Variants in HS2ST1 observed in about 807,000 individuals in gnomAD.
The protein encoded by HS2ST1 is 2-O-sulfotransferase.
In HS2ST1, 18 loss-of-function variants were observed where a neutral mutation model predicts 42.9. That is an observed-to-expected ratio of 0.42 (90% CI 0.29 to 0.62). HS2ST1 has a LOEUF of 0.62. Among genes scored for constraint, HS2ST1 ranks in the 20% least tolerant of loss-of-function variants. The pLI is 0.21. For synonymous variants in HS2ST1, 146 were observed against 152.9 expected (o/e 0.95, Z 0.33); for missense variants, 334 against 433.8 (o/e 0.77, Z 2.04).
intron 1 of HS2ST1, among the ~76,000 whole-genome samples, chr1:87,026,655 T>C (rs1011642944): frequency 5.9e-5 from 9 of 152,194 alleles, no homozygotes; most frequent in Non-Finnish European, 1.0e-4. Flanking sequence ...GTTTAAATTC[T>C]ATGCCCTAAG....
At chr1:87,031,204 G>T (rs968896190) in intron 1 of HS2ST1, among the ~76,000 whole-genome samples, 1 of 152,094 alleles carries the variant, frequency 6.6e-6, no homozygotes, top group East Asian at 1.9e-4. Context: ...GCCTCCCAAA[G>T]TGCTGGGATT....
chr1:87,096,651 C>T (rs1211911134), intron 4 of HS2ST1, among the ~76,000 whole-genome samples: 1 of 152,172 alleles, frequency 6.6e-6, no homozygotes, highest in Non-Finnish European at 1.5e-5. Flanking sequence ...TGTTTACCAG[C>T]ATCTCTTACT....
chr1:87,093,992 T>G (rs1397256444), intron 4 of HS2ST1, among the ~76,000 whole-genome samples: 5 of 152,098 alleles, frequency 3.3e-5, no homozygotes, highest in Non-Finnish European at 7.4e-5. Flanking sequence ...CAGCATTATT[T>G]AATCTTCTAG....
At chr1:87,089,194 A>C (rs992336545) in intron 3 of HS2ST1, among the ~76,000 whole-genome samples, 1 of 152,012 alleles carries the variant, frequency 6.6e-6, no homozygotes, top group Admixed American at 6.6e-5. Flanking sequence ...TTGATAGGCT[A>C]TTGATAGAAT....
intron 1 of HS2ST1, among the ~76,000 whole-genome samples, chr1:87,056,675 G>A (rs1212675177): frequency 6.6e-6 from 1 of 152,136 alleles, no homozygotes; most frequent in Non-Finnish European, 1.5e-5. Context: ...TCTGAGATTG[G>A]TGGTGTTATA....
chr1:87,081,872 G>T (rs1041276569), intron 2 of HS2ST1, among the ~76,000 whole-genome samples: 54 of 151,382 alleles, frequency 3.6e-4, no homozygotes, highest in African/African-American at 1.3e-3. Context: ...TACTCAGGAG[G>T]CTGAGGCAGG....
rs746757317 is a variant in HS2ST1, at chr1:87,104,618, C to T, written c.993C>T (p.Ala331=). Reference sequence around the variant, plus strand: ...AGTTCCAATTCATCAGAGCCCATGCCGTTCGAGAAAAAGATGGAGACCTCT... The same window carrying T: ...AGTTCCAATTCATCAGAGCCCATGCTGTTCGAGAAAAAGATGGAGACCTCT... ...LEQFQFIRAH[A]VREKDGDLYI... is the part of the protein sequence containing the mutation. The change falls in exon 7 of 7, where the codon GCC becomes GCT. Residue 331 remains alanine, a synonymous_variant. Coordinates refer to ENST00000370550, the MANE Select transcript of HS2ST1 (RefSeq NM_012262.4). 40 of 1,613,444 alleles carry T rather than the reference C, an allele frequency of 2.5e-5. No homozygotes were observed. The highest frequency in any genetic ancestry group is 8.8e-5 in the South Asian group (8 of 91,062).
At chr1:87,022,560 A>G (rs1448266397) in intron 1 of HS2ST1, among the ~76,000 whole-genome samples, 1 of 152,176 alleles carries the variant, frequency 6.6e-6, no homozygotes, top group Admixed American at 6.5e-5. Context: ...TGAATGGCTA[A>G]ATAAAATAAA....
At chr1:87,024,398 G>T (rs1650031553) in intron 1 of HS2ST1, among the ~76,000 whole-genome samples, 1 of 151,984 alleles carries the variant, frequency 6.6e-6, no homozygotes, top group Non-Finnish European at 1.5e-5. Context: ...CTAATCAGGA[G>T]GCTGAGGCAG....
chr1:87,107,957 A>G lies in HS2ST1; in HGVS notation c.*3261A>G, dbSNP rs1652364261. 1.3e-5 allele frequency: 2 copies of G among 152,006 alleles called. No homozygotes were observed. Among genetic ancestry groups the G allele is most frequent in the African/African-American group, 4.8e-5 (2 of 41,410 alleles). 9.4% of individuals were successfully genotyped at this position (152,006 alleles called of 1,614,324 possible). A position where few individuals can be genotyped will look rare whatever the true frequency, so the allele number is the denominator to read the frequency against. On this transcript the variant is annotated 3_prime_UTR_variant, in exon 7 of 7. Transcript: ENST00000370550. Reference sequence around the variant, plus strand: ...GATGATTGGATTTAAGCTATTGAAAATTGGATAATTTAAACTTAATGATTT... The same window carrying G: ...GATGATTGGATTTAAGCTATTGAAAGTTGGATAATTTAAACTTAATGATTT...
intron 1 of HS2ST1, among the ~76,000 whole-genome samples, chr1:86,987,892 T>C (rs868049256): frequency 6.6e-6 from 1 of 152,192 alleles, no homozygotes; most frequent in African/African-American, 2.4e-5. Context: ...TTGTAAGAAA[T>C]TGGGGCTGTT....
chr1:87,092,989 C>G (rs531023568), intron 4 of HS2ST1, among the ~76,000 whole-genome samples: 37 of 151,914 alleles, frequency 2.4e-4, no homozygotes, highest in African/African-American at 8.9e-4. Context: ...TTTTGGTTCT[C>G]TAAGTATTGA....
At chr1:87,081,558 T>C (rs1651688910) in intron 2 of HS2ST1, among the ~76,000 whole-genome samples, 2 of 152,158 alleles carry the variant, frequency 1.3e-5, no homozygotes, top group African/African-American at 4.8e-5. Context: ...GGAAAGTTTA[T>C]TGCAATCAGT....
chr1:86,998,181 G>C (rs1229367276), intron 1 of HS2ST1, among the ~76,000 whole-genome samples: 1 of 152,028 alleles, frequency 6.6e-6, no homozygotes, highest in Non-Finnish European at 1.5e-5. Context: ...ATATATCTTT[G>C]TTCTTATATA....
chr1:86,978,861 C>CTTTTTTTTTTTTTTTTTTTTTTTTTTTTT, intron 1 of HS2ST1, among the ~76,000 whole-genome samples: 1 of 98,672 alleles, frequency 1.0e-5, no homozygotes, highest in Non-Finnish European at 1.9e-5. Context: ...ACTTGTGAAT[C>CTTTTTTTTTTTTTTTTTTTTTTTTTTTTT]TTTTTTTTTT....
chr1:86,939,837 A>G (rs79141873), intron 1 of HS2ST1, among the ~76,000 whole-genome samples: 3,600 of 152,332 alleles, frequency 0.024, 74 homozygotes, highest in African/African-American at 0.049. Flanking sequence ...AATACTACAC[A>G]TATTTTGAGA....
chr1:87,094,245 G>A (rs577036244), intron 4 of HS2ST1, among the ~76,000 whole-genome samples: 114 of 152,030 alleles, frequency 7.5e-4, no homozygotes, highest in Admixed American at 1.9e-3. Flanking sequence ...AGTCATGTAG[G>A]CCCCTATATC....
chr1:86,983,468 A>C (rs1325243779), intron 1 of HS2ST1, among the ~76,000 whole-genome samples: 1 of 152,124 alleles, frequency 6.6e-6, no homozygotes, highest in African/African-American at 2.4e-5. Flanking sequence ...GAACTCACTC[A>C]CTATCACGAG....
chr1:86,985,531 C>CAT (rs1482782914), intron 1 of HS2ST1, among the ~76,000 whole-genome samples: 1 of 36,532 alleles, frequency 2.7e-5, no homozygotes, highest in African/African-American at 6.4e-5. Flanking sequence ...CATATATATA[C>CAT]ATATATATAC....
Sources: allele counts gnomAD v4.1 joint callset (sites outside exome capture counted in the v4.1 genomes callset), GRCh38; gene constraint gnomAD v4.1.1; transcripts MANE v1.5; gene names NCBI Gene and HGNC (gene_info 2026-07-23, HGNC 2026-07-21).